CPS1: variants seen among roughly 807,000 people sequenced by gnomAD.
CPS1 encodes the protein carbamoyl-phosphate synthase [ammonia], mitochondrial.
CPS1 carries 109 observed loss-of-function variants against 174.6 expected under a neutral mutation model. That is an observed-to-expected ratio of 0.62 (90% CI 0.53 to 0.73). The LOEUF is 0.73. Ranked by LOEUF, CPS1 falls within the 30% of genes least tolerant of loss-of-function variation. CPS1 has a pLI of 0.00. For synonymous variants in CPS1, 637 were observed against 632.0 expected, an observed-to-expected ratio of 1.01 and a Z score of -0.12; for missense variants, 1,689 against 1,821.9, an observed-to-expected ratio of 0.93 and a Z score of 1.33.
chr2:210,628,330 G>A (rs548210830), intron 21 of CPS1, among the ~76,000 whole-genome samples: 1 of 152,180 alleles, frequency 6.6e-6, no homozygotes, highest in South Asian at 2.1e-4. Flanking sequence ...TAGGTAGTAA[G>A]CCTCATATCA....
intron 1 of CPS1, among the ~76,000 whole-genome samples, chr2:210,480,044 A>G (rs1694517639): frequency 6.6e-6 from 1 of 152,188 alleles, no homozygotes; most frequent in African/African-American, 2.4e-5. Context: ...AGGCCTCAAA[A>G]CATAATCTCC....
In CPS1 at chr2:210,650,359, C is replaced by T; in HGVS notation, c.3405-4C>T. 6.2e-7 allele frequency: 1 copy of T among 1,612,928 alleles called. No homozygotes were observed. The highest frequency in any genetic ancestry group is 8.5e-7 in the Non-Finnish European group (1 of 1,179,072). Reference sequence around the variant, plus strand: ...ACCTGCTTTTTTTCCCCTTCCTTTTCCAGTGGGTCTGCTATGAATGTGGTA... The same window carrying T: ...ACCTGCTTTTTTTCCCCTTCCTTTTTCAGTGGGTCTGCTATGAATGTGGTA... On this transcript the variant is annotated splice_polypyrimidine_tract_variant and splice_region_variant and intron_variant, in intron 27 of 37. Transcript: ENST00000233072.
At chr2:210,648,416 A>G (rs1372611684) in intron 26 of CPS1, 57 bp from the exon 27 acceptor site, 1 of 1,410,336 alleles carries the variant, frequency 7.1e-7, no homozygotes, top group South Asian at 1.2e-5. Flanking sequence ...ACATTCTGTA[A>G]TTTTATTGCA....
intron 33 of CPS1, 45 bp from the exon 34 acceptor site, chr2:210,668,141 A>C: frequency 7.2e-7 from 1 of 1,380,408 alleles, no homozygotes; most frequent in East Asian, 2.3e-5. Flanking sequence ...GTGGTTGACT[A>C]TTCTTTGCAT....
At chr2:210,579,937 G>A (rs951122079) in intron 5 of CPS1, 167 bp downstream of exon 5, 3 of 639,424 alleles carry the variant, frequency 4.7e-6, no homozygotes, top group Non-Finnish European at 8.3e-6. Context: ...TATTTTCACT[G>A]TAATTTTCAA....
intron 1 of CPS1, among the ~76,000 whole-genome samples, chr2:210,494,669 G>A (rs1694948402): frequency 6.6e-6 from 1 of 151,966 alleles, no homozygotes; most frequent in African/African-American, 2.4e-5. Flanking sequence ...TCATGGCTGG[G>A]CTAGGTCTAA....
chr2:210,548,532 A>G (rs925540214), intron 1 of CPS1, among the ~76,000 whole-genome samples: 4 of 152,102 alleles, frequency 2.6e-5, no homozygotes, highest in African/African-American at 7.2e-5. Flanking sequence ...AAAACATTTA[A>G]TTCTTCAACA....
In CPS1 at chr2:210,592,910, C is replaced by G; in HGVS notation, c.1118C>G (p.Ala373Gly). The G allele has an allele frequency of 6.2e-7, 1 of 1,612,436 alleles. No homozygotes were observed. Among genetic ancestry groups the G allele is most frequent in the South Asian group, 1.1e-5 (1 of 91,032 alleles). The change falls in exon 11 of 38, where the codon GCT becomes GGT. Residue 373 changes from alanine to glycine, a missense_variant. By Grantham distance (60) the Ala-to-Gly change is moderately conservative (BLOSUM62 0). Transcript: ENST00000233072. ...GIMHESKPFFAVQFHPEVTPG... is the reference protein window; with the variant it reads ...GIMHESKPFFGVQFHPEVTPG... ...ATGCATGAGAGCAAACCCTTCTTCG[C>G]TGTGCAGTTCCACCCAGAGGTCACC... is the stretch of plus-strand genomic sequence containing the variant.
In CPS1 at chr2:210,606,949, CA is replaced by C; in HGVS notation, c.2192+9del. ...GGCCTCAAAAGCCACTGGGTAAGAC[CA>C]GAATAATTGACCATGGGTTTGCAGA... is the stretch of plus-strand genomic sequence containing the variant. On this transcript the variant is annotated intron_variant, in intron 18 of 37. Transcript: ENST00000233072. The C allele has an allele frequency of 6.2e-7, 1 of 1,609,162 alleles. No homozygotes were observed. The highest frequency in any genetic ancestry group is 8.5e-7 in the Non-Finnish European group (1 of 1,176,656).
At chr2:210,564,571 T>G (rs1697228346) in intron 1 of CPS1, among the ~76,000 whole-genome samples, 1 of 151,022 alleles carries the variant, frequency 6.6e-6, no homozygotes, top group Non-Finnish European at 1.5e-5. Flanking sequence ...AGAGACGGGG[T>G]TTCACCGTGT....
chr2:210,671,597 C>A (rs1428641274), intron 34 of CPS1: 2 of 152,152 alleles, frequency 1.3e-5, no homozygotes, highest in African/African-American at 2.4e-5. Flanking sequence ...AAATCTGAGG[C>A]TACTCAGATG....
chr2:210,556,316 G>A (rs1458000106), upstream of CPS1: 1 of 457,800 alleles, frequency 2.2e-6, no homozygotes, highest in Non-Finnish European at 4.4e-6. Flanking sequence ...TGTGACATAA[G>A]CAAAAGCCTG....
intron 29 of CPS1, among the ~76,000 whole-genome samples, chr2:210,655,508 G>T (rs1388888458): frequency 6.8e-6 from 1 of 146,066 alleles, no homozygotes; most frequent in African/African-American, 2.4e-5. Context: ...CAGTGGGGTG[G>T]GGTGCCTGAG....
rs536876837 is a variant in CPS1, at chr2:210,645,024, T to C, written c.3141+2359T>C. ...AACTATTCAGGCCTGATGGCTATGA[T>C]AAGGATGATGATTTACCTGTGTGGG... On this transcript the variant is annotated intron_variant, in intron 25 of 37. Transcript: ENST00000233072. 1.1e-4 allele frequency among the ~76,000 whole-genome samples: 17 copies of C among 152,348 alleles called. No individual in the cohort carries two copies. In the East Asian group the frequency reaches 3.1e-3, roughly 28 times the overall value.
intron 1 of CPS1, among the ~76,000 whole-genome samples, chr2:210,489,925 G>T (rs1457782312): frequency 6.6e-6 from 1 of 151,288 alleles, no homozygotes; most frequent in African/African-American, 2.4e-5. Context: ...GTGAACCCGG[G>T]AGGCGGAGCT....
chr2:210,616,942 T>A (rs539155937), intron 21 of CPS1, among the ~76,000 whole-genome samples: 2 of 152,028 alleles, frequency 1.3e-5, no homozygotes, highest in Admixed American at 6.6e-5. Flanking sequence ...TGTTTTCCCC[T>A]TTTAATATCA....
chr2:210,594,724 A>G (rs1698431609), intron 12 of CPS1, 118 bp downstream of exon 12: 1 of 734,902 alleles, frequency 1.4e-6, no homozygotes, highest in Non-Finnish European at 2.4e-6. Context: ...GACTGGTAAT[A>G]TTGTAATAGA....
intron 16 of CPS1, among the ~76,000 whole-genome samples, chr2:210,603,825 C>T (rs1331168431): frequency 6.6e-6 from 1 of 151,804 alleles, no homozygotes; most frequent in African/African-American, 2.4e-5. Context: ...AAACAATCCC[C>T]TATTCTCTTG....
At chr2:210,555,023 G>A (rs909163709), upstream of CPS1, among the ~76,000 whole-genome samples, 107 of 151,600 alleles carry the variant, frequency 7.1e-4, no homozygotes, top group Middle Eastern at 6.8e-3. Context: ...CACAAATTTC[G>A]CCTTTATTTC....
Sources: gnomAD v4.1 joint callset for allele counts (sites outside exome capture counted in the v4.1 genomes callset) on GRCh38, gnomAD v4.1.1 for gene constraint, MANE v1.5 for transcripts, NCBI Gene and HGNC (gene_info 2026-07-23, HGNC 2026-07-21) for gene names.